The following PTK7 variants were observed in gnomAD, a reference collection of about 807,000 sequenced individuals.
The protein encoded by PTK7 is protein tyrosine kinase 7 (inactive).
PTK7 carries 39 observed loss-of-function variants against 116.6 expected under a neutral mutation model. The observed-to-expected ratio is 0.33, with a 90% CI of 0.26 to 0.44. PTK7 has a LOEUF of 0.44. Among genes scored for constraint, PTK7 ranks in the 20% least tolerant of loss-of-function variants. The probability of loss-of-function intolerance (pLI) is 1.00; values close to 1 mark genes in which losing one functional copy is unlikely to be tolerated. For synonymous variants in PTK7, 546 were observed against 563.6 expected, an observed-to-expected ratio of 0.97 and a Z score of 0.44; for missense variants, 1,169 against 1,425.6, an observed-to-expected ratio of 0.82 and a Z score of 2.90.
At chr6:43,080,225 G>A (rs979031280) in intron 1 of PTK7, among the ~76,000 whole-genome samples, 5 of 151,916 alleles carry the variant, frequency 3.3e-5, no homozygotes, top group East Asian at 1.9e-4. Context: ...GGTGGCAGGC[G>A]CCTGTAGTCC....
In PTK7 at chr6:43,139,016, G is replaced by C; in HGVS notation, c.1362+34G>C. 6.2e-7 allele frequency: 1 copy of C among 1,609,070 alleles called. No individual in the cohort carries two copies. The highest frequency in any genetic ancestry group is 8.5e-7 in the Non-Finnish European group (1 of 1,176,494). ...GAAGAGTGTTGCTAGTGGATGGGCG[G>C]GGCCTTCCCTCCACTTGCCCTCTTC... On this transcript the variant is annotated intron_variant, in intron 8 of 19. Transcript: ENST00000230419. This position sits in a 1 kb window ranked among gnomAD's most constrained non-coding sequence, Gnocchi z 4.6.
rs144341360 is a variant in PTK7 at position 43,129,633 on chromosome 6, G to A, written c.368-94G>A. On this transcript the variant is annotated intron_variant, in intron 2 of 19. Transcript: ENST00000230419. The surrounding 1 kb of genome is among the most constrained non-coding windows in gnomAD (Gnocchi z 4.5). ...CTTGTGTCTGTTGGCACAGAGCCTC[G>A]AGGTTCCACGGCTTCCTGCTTGTCC... 8.2e-5 allele frequency: 91 copies of A among 1,113,268 alleles called. No homozygotes were observed. The East Asian group carries it at 1.7e-3, about 21-fold the overall frequency. 69.0% of individuals were successfully genotyped at this position (1,113,268 alleles called of 1,614,324 possible).
At chr6:43,103,280 G>A (rs1354776615) in intron 1 of PTK7, among the ~76,000 whole-genome samples, 2 of 152,180 alleles carry the variant, frequency 1.3e-5, no homozygotes, top group Non-Finnish European at 2.9e-5. Context: ...GTGAAAGAGA[G>A]GGAGAAAAAC....
At chr6:43,126,252 G>A (rs61122023) in intron 1 of PTK7, among the ~76,000 whole-genome samples, 16,682 of 152,102 alleles carry the variant, frequency 0.11, 1,480 homozygotes, top group East Asian at 0.32. Flanking sequence ...TCCGAGAGGT[G>A]GAGGTTGCAG....
intron 1 of PTK7, among the ~76,000 whole-genome samples, chr6:43,103,234 C>T (rs555813038): frequency 1.3e-5 from 2 of 152,138 alleles, no homozygotes; most frequent in African/African-American, 4.8e-5. Context: ...CAGTAAATAC[C>T]CTTCTCCCTT....
chr6:43,161,076 C>T lies in PTK7; in HGVS notation c.*195C>T, dbSNP rs1216428795. On this transcript the variant is annotated 3_prime_UTR_variant, in exon 20 of 20. Coordinates refer to ENST00000230419, the MANE Select transcript of PTK7 (RefSeq NM_002821.5). ...TCATCCTTTGGGAGGCTGACTTGGA[C>T]CCAAACTGGGCGACTAGGGCTTTGA... is the stretch of plus-strand genomic sequence containing the variant. The T allele has an allele frequency of 3.8e-6, 3 of 795,674 alleles. No individual in the cohort carries two copies. Among genetic ancestry groups the T allele is most frequent in the South Asian group, 2.1e-5 (1 of 47,444 alleles). The allele number at this position is 795,674 out of a possible 1,614,324, so 49.3% of individuals were successfully genotyped here. A position where few individuals can be genotyped will look rare whatever the true frequency, so the allele number is the denominator to read the frequency against.
At chr6:43,124,054 A>T (rs1281327732) in intron 1 of PTK7, among the ~76,000 whole-genome samples, 1 of 152,048 alleles carries the variant, frequency 6.6e-6, no homozygotes, top group Non-Finnish European at 1.5e-5. Context: ...CTGCATCTCC[A>T]TGGGGGCTTG....
chr6:43,105,615 A>C (rs761462027), intron 1 of PTK7, among the ~76,000 whole-genome samples: 5 of 152,176 alleles, frequency 3.3e-5, no homozygotes, highest in Non-Finnish European at 7.3e-5. Context: ...TCAATTCATT[A>C]AGGTGAATGA....
chr6:43,129,791 C>T lies in PTK7; in HGVS notation c.432C>T (p.Thr144=), dbSNP rs373247020. ...PASEAEIQPQ[T]QVTLRCHIDG... ...CGGAAGCTGAGATCCAGCCACAGAC[C>T]CAGGTCACACTTCGTTGCCACATTG... Residue 144 remains threonine (T), a synonymous_variant, in exon 3 of 20, where the codon ACC becomes ACT. Coordinates refer to ENST00000230419, the MANE Select transcript of PTK7 (RefSeq NM_002821.5). This position sits in a 1 kb window ranked among gnomAD's most constrained non-coding sequence, Gnocchi z 4.5. The T allele has an allele frequency of 6.2e-7, 1 of 1,614,214 alleles. No homozygotes were observed. The highest frequency in any genetic ancestry group is 8.5e-7 in the Non-Finnish European group (1 of 1,180,034).
intron 1 of PTK7, among the ~76,000 whole-genome samples, chr6:43,099,851 C>T (rs1452403598): frequency 1.3e-5 from 2 of 152,026 alleles, no homozygotes; most frequent in Admixed American, 6.6e-5. Flanking sequence ...AGGCAGATCA[C>T]TTGAGTGCAG....
intron 1 of PTK7, among the ~76,000 whole-genome samples, chr6:43,090,894 T>TTTG (rs1766912715): frequency 6.6e-6 from 1 of 152,066 alleles, no homozygotes. Context: ...TTTCTTTTTT[T>TTTG]TTGTTGTTGT....
chr6:43,138,781 T>G, intron 7 of PTK7, 68 bp from the exon 8 acceptor site: 4 of 1,522,886 alleles, frequency 2.6e-6, no homozygotes, highest in Non-Finnish European at 3.5e-6. Flanking sequence ...TAGGATTTCT[T>G]GGAGATGGAT....
At position 43,143,433 on chromosome 6, in the gene PTK7, G is replaced by A. The variant is rs1770535880; in HGVS notation, c.2064G>A (p.Glu688=). The change falls in exon 14 of 20, where the codon GAG becomes GAA. Residue 688 remains glutamate, a synonymous_variant. Transcript: ENST00000230419. This position sits in a 1 kb window ranked among gnomAD's most constrained non-coding sequence, Gnocchi z 4.2. ...PLYVVDKPVP[E]ESEGPGSPPP... is the part of the protein sequence containing the mutation. Reference sequence around the variant, plus strand: ...GTCTCTCAGACAAGCCTGTGCCGGAGGAGTCGGAGGGCCCTGGCAGCCCTC... The same window carrying A: ...GTCTCTCAGACAAGCCTGTGCCGGAAGAGTCGGAGGGCCCTGGCAGCCCTC... 1 of 1,613,882 alleles carries A rather than the reference G, an allele frequency of 6.2e-7. No homozygotes were observed. Among genetic ancestry groups the A allele is most frequent in the Admixed American group, 1.7e-5 (1 of 59,984 alleles).
chr6:43,088,329 G>A (rs1766766121), intron 1 of PTK7, among the ~76,000 whole-genome samples: 1 of 152,026 alleles, frequency 6.6e-6, no homozygotes, highest in African/African-American at 2.4e-5. Flanking sequence ...AGAAAGCTGA[G>A]ACCAGAGTGC....
rs769889457 is a variant in PTK7, at chr6:43,139,373, C to T, written c.1499-33C>T. On this transcript the variant is annotated intron_variant, in intron 9 of 19. Transcript: ENST00000230419. The surrounding 1 kb of genome is among the most constrained non-coding windows in gnomAD (Gnocchi z 4.6). ...CACGGCCTCTCCAGCGGCCCCAATT[C>T]CTCGTCTTTCTACCCACCCTCTGCT... 1 of 1,613,964 alleles carries T rather than the reference C, an allele frequency of 6.2e-7. No homozygotes were observed. Among genetic ancestry groups the T allele is most frequent in the Non-Finnish European group, 8.5e-7 (1 of 1,179,948 alleles).
intron 1 of PTK7, among the ~76,000 whole-genome samples, chr6:43,101,476 C>T (rs187283765): frequency 2.6e-5 from 4 of 151,196 alleles, no homozygotes; most frequent in Non-Finnish European, 5.9e-5. Flanking sequence ...GGCATGAACC[C>T]GGGAGGCAGA....
intron 1 of PTK7, among the ~76,000 whole-genome samples, chr6:43,079,221 A>T (rs1766227655): frequency 1.3e-5 from 2 of 151,562 alleles, no homozygotes; most frequent in South Asian, 4.2e-4. Context: ...TAATCCCAGC[A>T]CTTTGGGAGG....
chr6:43,102,102 T>C (rs1719450717), intron 1 of PTK7, among the ~76,000 whole-genome samples: 1 of 151,476 alleles, frequency 6.6e-6, no homozygotes, highest in Non-Finnish European at 1.5e-5. Context: ...CCTCCAACTC[T>C]GGAGGTGGGT....
At chr6:43,100,402 T>C (rs1054977753) in intron 1 of PTK7, among the ~76,000 whole-genome samples, 4 of 145,818 alleles carry the variant, frequency 2.7e-5, no homozygotes, top group Admixed American at 6.9e-5. Flanking sequence ...AAAAAATCAT[T>C]AGGGTTTTTT....
Sources: gnomAD v4.1 joint callset for allele counts (sites outside exome capture counted in the v4.1 genomes callset) on GRCh38, gnomAD v4.1.1 for gene constraint, Gnocchi (gnomAD v3.1) non-coding constraint, MANE v1.5 for transcripts, NCBI Gene and HGNC (gene_info 2026-07-23, HGNC 2026-07-21) for gene names.